Variants in TPO observed in about 807,000 individuals in gnomAD.
TPO encodes the protein thyroid microsomal antigen.
TPO carries 78 observed loss-of-function variants against 96.9 expected under a neutral mutation model. The ratio of observed to expected loss-of-function variants is 0.81; its 90% CI spans 0.67 to 0.97. TPO has a LOEUF of 0.97. Ranked by LOEUF, TPO falls within the 50% of genes least tolerant of loss-of-function variation. TPO has a pLI of 0.00. For synonymous variants in TPO, 547 were observed against 538.0 expected (o/e 1.02, Z -0.23); for missense variants, 1,252 against 1,274.8 (o/e 0.98, Z 0.27).
At chr2:1,464,183 T>C (rs991482402) in intron 7 of TPO, among the ~76,000 whole-genome samples, 1 of 152,248 alleles carries the variant, frequency 6.6e-6, no homozygotes, top group African/African-American at 2.4e-5. Context: ...TCACTTAGAA[T>C]AATAGTCTCC....
At chr2:1,489,017 C>T (rs534268229) in intron 10 of TPO, among the ~76,000 whole-genome samples, 1 of 152,338 alleles carries the variant, frequency 6.6e-6, no homozygotes, top group East Asian at 1.9e-4. Context: ...ACAGCCTACA[C>T]ATGCCTTCAC....
At position 1,542,728 on chromosome 2, in the gene TPO, C is replaced by T. The variant is rs1658774248; in HGVS notation, c.*254C>T. The T allele has an allele frequency of 9.2e-7, 1 of 1,089,042 alleles. No homozygotes were observed. Among genetic ancestry groups the T allele is most frequent in the African/African-American group, 1.6e-5 (1 of 63,562 alleles). The allele number at this position is 1,089,042 out of a possible 1,614,324, so 67.5% of individuals were successfully genotyped here. On this transcript the variant is annotated 3_prime_UTR_variant, in exon 17 of 17. Coordinates refer to ENST00000329066, the MANE Select transcript of TPO (RefSeq NM_001206744.2). Reference sequence around the variant, plus strand: ...GCCATTAAAATGTATTTACAGATTACACATCTTTATTTTGTGAACCCTGGA... The same window carrying T: ...GCCATTAAAATGTATTTACAGATTATACATCTTTATTTTGTGAACCCTGGA...
At chr2:1,382,809 T>C (rs1250933330) in intron 1 of TPO, among the ~76,000 whole-genome samples, 4 of 152,054 alleles carry the variant, frequency 2.6e-5, no homozygotes, top group Non-Finnish European at 5.9e-5. Context: ...ACATGTACCA[T>C]GTTGGTGTGC....
chr2:1,532,627 C>G (rs1217115122), intron 15 of TPO, among the ~76,000 whole-genome samples: 1 of 84,138 alleles, frequency 1.2e-5, no homozygotes, highest in Non-Finnish European at 2.3e-5. Flanking sequence ...AATCCCCCCC[C>G]ACTCTGTACA....
At chr2:1,541,026 G>A (rs1680702774) in intron 16 of TPO, 1 of 1,343,074 alleles carries the variant, frequency 7.4e-7, no homozygotes, top group Non-Finnish European at 9.7e-7. Context: ...GCACAGGAGA[G>A]GAAGGAGAAG....
At chr2:1,520,471 T>C (rs1299152287) in intron 15 of TPO, among the ~76,000 whole-genome samples, 1 of 152,194 alleles carries the variant, frequency 6.6e-6, no homozygotes, top group East Asian at 1.9e-4. Flanking sequence ...CAAACACGTT[T>C]CCTCTCCTAG....
At chr2:1,437,102 T>G (rs747774308) in intron 5 of TPO, among the ~76,000 whole-genome samples, 10 of 152,080 alleles carry the variant, frequency 6.6e-5, no homozygotes, top group Middle Eastern at 3.2e-3. Context: ...GATATGCGAG[T>G]GAGCCAAATC....
Position 1,375,538 on chromosome 2 carries a change from C to T in TPO, n.180+1136C>T, listed in dbSNP as rs545617740. 3.7e-4 allele frequency among the ~76,000 whole-genome samples: 56 copies of T among 151,816 alleles called. No homozygotes were observed. In the South Asian group the frequency reaches 8.1e-3, roughly 22 times the overall value. Reference sequence around the variant, plus strand: ...AGTGGGGCACAGTCAGGCATGTGGCCGCAATCTCGTGGGCCTCTGATTAGC... The same window carrying T: ...AGTGGGGCACAGTCAGGCATGTGGCTGCAATCTCGTGGGCCTCTGATTAGC... On this transcript the variant is annotated intron_variant and non_coding_transcript_variant, in intron 1 of 5. Transcript: ENST00000497517.
intron 1 of TPO, among the ~76,000 whole-genome samples, chr2:1,401,342 G>A (rs1462890168): frequency 6.6e-6 from 1 of 152,212 alleles, no homozygotes. Context: ...GGATGGGGAA[G>A]GAAGACAGAG....
chr2:1,526,607 CCA>C (rs1676561878), intron 15 of TPO, among the ~76,000 whole-genome samples: 1 of 149,690 alleles, frequency 6.7e-6, no homozygotes, highest in Non-Finnish European at 1.5e-5. Flanking sequence ...ACAAATCCCC[CCA>C]ACTCTGTGCA....
chr2:1,405,778 G>T (rs1662242101), intron 1 of TPO, among the ~76,000 whole-genome samples: 1 of 152,106 alleles, frequency 6.6e-6, no homozygotes, highest in Non-Finnish European at 1.5e-5. Context: ...GTTCACACTT[G>T]TCAAGCACAG....
intron 5 of TPO, among the ~76,000 whole-genome samples, chr2:1,443,094 G>A (rs898577363): frequency 6.6e-6 from 1 of 152,170 alleles, no homozygotes; most frequent in African/African-American, 2.4e-5. Context: ...AAAAAATTGT[G>A]TTATTTCTTG....
intron 1 of TPO, among the ~76,000 whole-genome samples, chr2:1,399,169 T>C (rs751068770): frequency 4.6e-5 from 7 of 152,214 alleles, no homozygotes; most frequent in Non-Finnish European, 1.0e-4. Flanking sequence ...ATCCCTCCCT[T>C]GTCTGCCCCA....
At chr2:1,518,695 A>G (rs1046844201) in intron 15 of TPO, among the ~76,000 whole-genome samples, 2 of 152,252 alleles carry the variant, frequency 1.3e-5, no homozygotes, top group Admixed American at 6.5e-5. Flanking sequence ...CAACTGTGAG[A>G]AATTCCTTCC....
At chr2:1,476,512 G>A (rs946376866) in intron 7 of TPO, among the ~76,000 whole-genome samples, 4 of 152,252 alleles carry the variant, frequency 2.6e-5, no homozygotes, top group Non-Finnish European at 4.4e-5. Flanking sequence ...ACACTAAACA[G>A]TGATGCCCAC....
chr2:1,472,041 T>C (rs1406290165), intron 7 of TPO, among the ~76,000 whole-genome samples: 1 of 151,974 alleles, frequency 6.6e-6, no homozygotes, highest in Non-Finnish European at 1.5e-5. Flanking sequence ...CTTTGAGTGC[T>C]CATAGTATGT....
chr2:1,456,342 A>G (rs1667785196), intron 7 of TPO, 60 bp downstream of exon 7: 3 of 1,552,982 alleles, frequency 1.9e-6, no homozygotes, highest in Non-Finnish European at 2.6e-6. Context: ...TAAAACGTCA[A>G]ACAGAATGGT....
intron 14 of TPO, among the ~76,000 whole-genome samples, chr2:1,515,852 T>G (rs1250905033): frequency 6.6e-6 from 1 of 152,250 alleles, no homozygotes; most frequent in Middle Eastern, 3.4e-3. Context: ...GAGCCTATCT[T>G]CAACCACACG....
Position 1,477,590 on chromosome 2 carries a change from G to C in TPO, c.1324G>C (p.Gly442Arg). The change falls in exon 8 of 17, where the codon GGC becomes CGC. Residue 442 changes from glycine to arginine, a missense_variant. Coordinates refer to ENST00000329066, the MANE Select transcript of TPO (RefSeq NM_001206744.2). ...GTACCAGGAGGCGCGCAAGGTCGTG[G>C]GCGCTCTGCACCAGGTGCGCGGGGT... ...AVYQEARKVVGALHQIITLRD... is the reference protein window; with the variant it reads ...AVYQEARKVVRALHQIITLRD... 6.5e-7 allele frequency: 1 copy of C among 1,532,916 alleles called. No individual in the cohort carries two copies. The highest frequency in any genetic ancestry group is 1.2e-5 in the South Asian group (1 of 83,832). The allele number at this position is 1,532,916 out of a possible 1,614,324, so 95.0% of individuals were successfully genotyped here.
Sources: allele counts gnomAD v4.1 joint callset (sites outside exome capture counted in the v4.1 genomes callset), GRCh38; gene constraint gnomAD v4.1.1; transcripts MANE v1.5; gene names NCBI Gene and HGNC (gene_info 2026-07-23, HGNC 2026-07-21).